FOXJ3: variants seen among roughly 807,000 people sequenced by gnomAD.
FOXJ3 encodes the protein forkhead box J3, also known as forkhead box protein J3.
A neutral mutation model predicts 76.1 loss-of-function variants in FOXJ3; 22 were observed. The observed-to-expected ratio is 0.29, with a 90% CI of 0.21 to 0.41. The LOEUF is 0.41. Among genes scored for constraint, FOXJ3 ranks in the 10% least tolerant of loss-of-function variants. The pLI, the probability that FOXJ3 is intolerant of heterozygous loss-of-function variation, is 1.00. For missense variants in FOXJ3, 613 were observed against 762.1 expected (o/e 0.80, Z 2.30); for synonymous variants, 269 against 261.2 (o/e 1.03, Z -0.29).
Position 42,195,025 on chromosome 1 carries a change from G to A in FOXJ3, c.799C>T (p.Pro267Ser). ...HPESVSQSLTPQQQPQYNLPE... is the reference protein window; with the variant it reads ...HPESVSQSLTSQQQPQYNLPE... ...AGGTTGTACTGTGGTTGCTGCTGAG[G>A]AGTTAATGATTGAGAGACTGATTCT... Residue 267 changes from proline to serine, a missense_variant, in exon 8 of 13, where the codon CCT (proline) becomes TCT (serine). Coordinates refer to ENST00000361346, the MANE Select transcript of FOXJ3 (RefSeq NM_014947.5). 1.2e-6 allele frequency: 2 copies of A among 1,611,662 alleles called. No individual in the cohort carries two copies. Among genetic ancestry groups the A allele is most frequent in the Non-Finnish European group, 1.7e-6 (2 of 1,179,142 alleles).
At chr1:42,335,548 C>T (rs1656447284), upstream of FOXJ3, 1 of 152,186 alleles carries the variant, frequency 6.6e-6, no homozygotes, top group South Asian at 2.1e-4. Flanking sequence ...GGACCCTGCC[C>T]ACGGATACCT....
At chr1:42,226,483 C>T (rs527657123) in intron 5 of FOXJ3, among the ~76,000 whole-genome samples, 3 of 152,224 alleles carry the variant, frequency 2.0e-5, no homozygotes, top group Admixed American at 2.0e-4. Flanking sequence ...ACAGTGGGTG[C>T]CTGTAATCCC....
At chr1:42,291,683 G>A (rs1357929350) in intron 2 of FOXJ3, among the ~76,000 whole-genome samples, 1 of 151,954 alleles carries the variant, frequency 6.6e-6, no homozygotes, top group Admixed American at 6.6e-5. Flanking sequence ...GTTTCATCAA[G>A]GCAGGAAGAT....
chr1:42,330,924 T>G (rs1019630678), intron 1 of FOXJ3, among the ~76,000 whole-genome samples: 4 of 152,138 alleles, frequency 2.6e-5, no homozygotes, highest in Non-Finnish European at 4.4e-5. Context: ...AAAATGTATA[T>G]AAACCAATAA....
At chr1:42,257,459 TA>T (rs916876056) in intron 4 of FOXJ3, among the ~76,000 whole-genome samples, 2 of 152,140 alleles carry the variant, frequency 1.3e-5, no homozygotes, top group African/African-American at 4.8e-5. Flanking sequence ...CTCACACCTG[TA>T]ATCTCAGCAC....
At chr1:42,179,903 T>C (rs1464011469) in intron 12 of FOXJ3, 78 bp from the exon 13 acceptor site, 1 of 871,072 alleles carries the variant, frequency 1.1e-6, no homozygotes, top group Non-Finnish European at 1.9e-6. Flanking sequence ...TACTGTGTAC[T>C]TCCTATATGC....
intron 5 of FOXJ3, among the ~76,000 whole-genome samples, chr1:42,220,272 A>G (rs1647154216): frequency 6.6e-6 from 1 of 152,168 alleles, no homozygotes; most frequent in Non-Finnish European, 1.5e-5. Flanking sequence ...ACACTCAAAA[A>G]CATACACCGT....
At chr1:42,288,866 TA>T (rs1402142611) in intron 2 of FOXJ3, among the ~76,000 whole-genome samples, 4 of 152,200 alleles carry the variant, frequency 2.6e-5, no homozygotes, top group African/African-American at 7.2e-5. Context: ...ATTTTCTCAC[TA>T]AATTTTGTTT....
chr1:42,217,111 T>C (rs1287071613), intron 5 of FOXJ3, among the ~76,000 whole-genome samples: 1 of 152,164 alleles, frequency 6.6e-6, no homozygotes, highest in African/African-American at 2.4e-5. Flanking sequence ...CAATTACTTA[T>C]GACAAATCGC....
intron 7 of FOXJ3, among the ~76,000 whole-genome samples, chr1:42,197,275 G>A (rs1646669392): frequency 6.6e-6 from 1 of 152,070 alleles, no homozygotes; most frequent in Admixed American, 6.5e-5. Flanking sequence ...AGTCAACAGG[G>A]CAGGAGAATT....
At chr1:42,224,406 G>C (rs968564711) in intron 5 of FOXJ3, among the ~76,000 whole-genome samples, 2 of 15,182 alleles carry the variant, frequency 1.3e-4, no homozygotes, top group African/African-American at 2.3e-4. Context: ...GTAAATGGAG[G>C]GGACAGGTAA....
chr1:42,246,667 T>C (rs1021560159), intron 4 of FOXJ3, among the ~76,000 whole-genome samples: 2 of 151,724 alleles, frequency 1.3e-5, no homozygotes, highest in African/African-American at 4.8e-5. Context: ...AACTACCATA[T>C]TAAGCAGCAA....
intron 2 of FOXJ3, among the ~76,000 whole-genome samples, chr1:42,297,264 T>C (rs994108025): frequency 6.6e-6 from 1 of 152,204 alleles, no homozygotes; most frequent in African/African-American, 2.4e-5. Context: ...CTTTTATTTC[T>C]TTCTCTTGCC....
At chr1:42,219,247 A>C (rs1345228351) in intron 5 of FOXJ3, among the ~76,000 whole-genome samples, 1 of 152,218 alleles carries the variant, frequency 6.6e-6, no homozygotes, top group Non-Finnish European at 1.5e-5. Flanking sequence ...CTGGGACATG[A>C]ATCATCCCTT....
intron 4 of FOXJ3, among the ~76,000 whole-genome samples, chr1:42,236,403 C>T (rs75163185): frequency 0.014 from 2,139 of 152,232 alleles, 59 homozygotes; most frequent in African/African-American, 0.048. Flanking sequence ...GCTACGTTGC[C>T]CAAGCTCATC....
chr1:42,214,533 C>A (rs1053454895), intron 5 of FOXJ3, among the ~76,000 whole-genome samples: 5 of 152,098 alleles, frequency 3.3e-5, no homozygotes, highest in Non-Finnish European at 7.4e-5. Context: ...AGTGTGATAC[C>A]CCTATAGACC....
At chr1:42,248,749 T>C (rs1649765604) in intron 4 of FOXJ3, among the ~76,000 whole-genome samples, 1 of 148,178 alleles carries the variant, frequency 6.7e-6, no homozygotes, top group Non-Finnish European at 1.5e-5. Context: ...TTTTTTTTTT[T>C]TTTTTTTAAG....
chr1:42,334,260 C>T (rs2124803004), intron 1 of FOXJ3: 1 of 244,144 alleles, frequency 4.1e-6, no homozygotes, highest in South Asian at 1.5e-4. Context: ...CCCTACTGGC[C>T]TCAATTTCAG....
At chr1:42,273,722 A>G (rs1218258852) in intron 3 of FOXJ3, among the ~76,000 whole-genome samples, 1 of 151,434 alleles carries the variant, frequency 6.6e-6, no homozygotes, top group Non-Finnish European at 1.5e-5. Context: ...GATATCATGT[A>G]GACCAGATAT....
Sources: gnomAD v4.1 joint callset for allele counts (sites outside exome capture counted in the v4.1 genomes callset) on GRCh38, gnomAD v4.1.1 for gene constraint, MANE v1.5 for transcripts, NCBI Gene and HGNC (gene_info 2026-07-23, HGNC 2026-07-21) for gene names.